The following CEP135 variants were observed in gnomAD, a reference collection of about 807,000 sequenced individuals.
The protein encoded by CEP135 is centrosomal protein 135.
A neutral mutation model predicts 157.3 loss-of-function variants in CEP135; 142 were observed. That is an observed-to-expected ratio of 0.90 (90% CI 0.79 to 1.04). CEP135 has a LOEUF of 1.04. Ranked by LOEUF, CEP135 falls within the 50% of genes least tolerant of loss-of-function variation. The pLI, the probability that CEP135 is intolerant of heterozygous loss-of-function variation, is 0.00. For synonymous variants in CEP135, 396 were observed against 439.8 expected, an observed-to-expected ratio of 0.90 and a Z score of 1.25; for missense variants, 1,317 against 1,309.2, an observed-to-expected ratio of 1.01 and a Z score of -0.09.
chr4:56,008,258 G>T, intron 17 of CEP135, 69 bp from the exon 18 acceptor site: 1 of 1,110,430 alleles, frequency 9.0e-7, no homozygotes, highest in South Asian at 1.3e-5. Flanking sequence ...ATATGAATAT[G>T]ACAAGTTACA....
chr4:55,986,457 AC>A (rs1378146111), intron 14 of CEP135, among the ~76,000 whole-genome samples: 1 of 152,140 alleles, frequency 6.6e-6, no homozygotes, highest in African/African-American at 2.4e-5. Context: ...TAAGAGGATC[AC>A]TGGAACCTGG....
chr4:55,983,763 G>T (rs555014186), intron 13 of CEP135, among the ~76,000 whole-genome samples: 2 of 152,170 alleles, frequency 1.3e-5, no homozygotes, highest in South Asian at 4.2e-4. Context: ...CTCAGGTGGG[G>T]TCCACCTTGG....
chr4:55,970,989 A>C (rs946378063), intron 9 of CEP135, among the ~76,000 whole-genome samples: 1 of 152,310 alleles, frequency 6.6e-6, no homozygotes, highest in Middle Eastern at 3.4e-3. Flanking sequence ...TTTTTTAATC[A>C]TATAAGTATA....
intron 8 of CEP135, 172 bp downstream of exon 8, chr4:55,966,031 A>G: frequency 1.7e-6 from 1 of 577,142 alleles, no homozygotes; most frequent in South Asian, 2.1e-5. Flanking sequence ...ACACCCTGTA[A>G]ATGATTGTAG....
At chr4:55,998,747 C>A (rs1159923776) in intron 15 of CEP135, among the ~76,000 whole-genome samples, 1 of 152,046 alleles carries the variant, frequency 6.6e-6, no homozygotes, top group Non-Finnish European at 1.5e-5. Context: ...TGTCTGTAGT[C>A]CCAGCCTCTA....
Position 55,954,199 on chromosome 4 carries a change from A to C in CEP135, c.305-17A>C. On this transcript the variant is annotated splice_polypyrimidine_tract_variant and intron_variant, in intron 3 of 25. Transcript: ENST00000257287. Reference sequence around the variant, plus strand: ...TCTTGATCTTTAAAACGGTCTTTGAATCTTTTTCATTTTAAGAGTTGAAAA... The same window carrying C: ...TCTTGATCTTTAAAACGGTCTTTGACTCTTTTTCATTTTAAGAGTTGAAAA... 1 of 1,556,774 alleles carries C rather than the reference A, an allele frequency of 6.4e-7. No homozygotes were observed.
At chr4:55,989,854 A>G (rs1209596381) in intron 14 of CEP135, among the ~76,000 whole-genome samples, 3 of 152,206 alleles carry the variant, frequency 2.0e-5, no homozygotes, top group African/African-American at 4.8e-5. Context: ...CTGTTCCAAA[A>G]AAATTGGTGT....
At chr4:55,975,217 G>T (rs1729161963) in intron 11 of CEP135, among the ~76,000 whole-genome samples, 1 of 152,196 alleles carries the variant, frequency 6.6e-6, no homozygotes, top group Admixed American at 6.5e-5. Context: ...TAGAAGTGCA[G>T]TGGCACCTGG....
At chr4:56,006,175 C>T (rs1365597656) in intron 17 of CEP135, among the ~76,000 whole-genome samples, 1 of 152,176 alleles carries the variant, frequency 6.6e-6, no homozygotes, top group Non-Finnish European at 1.5e-5. Context: ...AAGCTTTCTA[C>T]CCCTTCATCT....
intron 10 of CEP135, among the ~76,000 whole-genome samples, chr4:55,974,022 A>G (rs925707915): frequency 1.3e-5 from 2 of 152,200 alleles, no homozygotes; most frequent in Non-Finnish European, 2.9e-5. Context: ...TTTGCATTGC[A>G]CACTGTCCTT....
chr4:56,012,047 C>A, intron 21 of CEP135, 62 bp downstream of exon 21: 1 of 992,002 alleles, frequency 1.0e-6, no homozygotes, highest in Non-Finnish European at 1.4e-6. Flanking sequence ...TTCAAAGATA[C>A]TTTATTTATT....
chr4:55,994,578 C>T (rs567674176), intron 15 of CEP135, among the ~76,000 whole-genome samples: 1 of 152,166 alleles, frequency 6.6e-6, no homozygotes, highest in South Asian at 2.1e-4. Context: ...TTCCATCCCC[C>T]TGAGGTACCC....
intron 24 of CEP135, among the ~76,000 whole-genome samples, 176 bp downstream of exon 24, chr4:56,020,956 G>A (rs1730954542): frequency 6.6e-6 from 1 of 152,090 alleles, no homozygotes; most frequent in Non-Finnish European, 1.5e-5. Flanking sequence ...GAAGATAATA[G>A]CTCTACAGTA....
intron 24 of CEP135, 44 bp from the exon 25 acceptor site, chr4:56,024,457 C>A: frequency 7.0e-7 from 1 of 1,426,072 alleles, no homozygotes; most frequent in African/African-American, 1.4e-5. Flanking sequence ...TTTGATTTTC[C>A]CTGGTGCTTG....
Position 56,009,225 on chromosome 4 carries a change from G to A in CEP135, c.2337-510G>A, listed in dbSNP as rs192687841. ...TGCCCAGGCTGGAGTGCAGTGGGGC[G>A]ATCTCGGCTCATTGCAAGCTCTGCC... On this transcript the variant is annotated intron_variant, in intron 18 of 25. Coordinates refer to ENST00000257287, the MANE Select transcript of CEP135 (RefSeq NM_025009.5). Among the ~76,000 whole-genome samples the A allele has an allele frequency of 9.7e-4, 147 of 152,246 alleles. 2 individuals carry two copies. In the East Asian group the frequency reaches 0.012, roughly 12 times the overall value.
chr4:55,974,725 G>C (rs760985484), intron 10 of CEP135, 21 bp from the exon 11 acceptor site: 167 of 1,568,002 alleles, frequency 1.1e-4, no homozygotes, highest in Non-Finnish European at 1.4e-4. Context: ...TATTTTAAGA[G>C]TTAACCACTT....
intron 10 of CEP135, 58 bp from the exon 11 acceptor site, chr4:55,974,688 G>T: frequency 7.9e-7 from 1 of 1,266,076 alleles, no homozygotes; most frequent in South Asian, 1.4e-5. Context: ...TAATTTACTT[G>T]ACTAATCAAC....
intron 15 of CEP135, among the ~76,000 whole-genome samples, chr4:55,999,068 AT>A (rs1226061568): frequency 6.6e-6 from 1 of 152,180 alleles, no homozygotes; most frequent in African/African-American, 2.4e-5. Context: ...CACACAATTA[AT>A]TTGATTTTTA....
chr4:56,022,024 T>C lies in CEP135; in HGVS notation c.3320+1244T>C, dbSNP rs190593226. On this transcript the variant is annotated intron_variant, in intron 24 of 25. Coordinates refer to ENST00000257287, the MANE Select transcript of CEP135 (RefSeq NM_025009.5). ...CAGCCTGAGTAACAGTGAAACCCTG[T>C]CTCAAAAAACAAACAAACCAACAAA... Among the ~76,000 whole-genome samples the C allele has an allele frequency of 1.3e-3, 193 of 152,144 alleles. 1 individual carries two copies. The highest frequency in any genetic ancestry group is 4.5e-3 in the African/African-American group (186 of 41,508).
Sources: gnomAD v4.1 joint callset for allele counts (sites outside exome capture counted in the v4.1 genomes callset) on GRCh38, gnomAD v4.1.1 for gene constraint, MANE v1.5 for transcripts, NCBI Gene and HGNC (gene_info 2026-07-23, HGNC 2026-07-21) for gene names.